FHIT: variants seen among roughly 807,000 people sequenced by gnomAD.
FHIT encodes fragile histidine triad diadenosine triphosphatase.
A neutral mutation model predicts 17.9 loss-of-function variants in FHIT; 19 were observed. That is an observed-to-expected ratio of 1.06 (90% CI 0.74 to 1.56). The LOEUF (loss-of-function observed/expected upper bound fraction) is 1.56. Ranked by LOEUF, FHIT falls within the 40% of genes most tolerant of loss-of-function variation. The pLI is 0.00. For synonymous variants in FHIT, 81 were observed against 69.7 expected, an observed-to-expected ratio of 1.16 and a Z score of -0.81; for missense variants, 248 against 189.2, an observed-to-expected ratio of 1.31 and a Z score of -1.82.
Position 60,473,827 on chromosome 3 carries a change from G to T in FHIT, c.103+63033C>A, listed in dbSNP as rs540892419. ...AGTCCCAGCTACTCAGGAGGCCGAGGCAGGAGAATTACTTGAACCCGGGAG... is the reference window on the plus strand; with the variant it reads ...AGTCCCAGCTACTCAGGAGGCCGAGTCAGGAGAATTACTTGAACCCGGGAG... On this transcript the variant is annotated intron_variant, in intron 5 of 9. Transcript: ENST00000492590. Among the ~76,000 whole-genome samples, 383 of 152,144 alleles carry T rather than the reference G, an allele frequency of 2.5e-3. 3 individuals are homozygous for T. Among genetic ancestry groups the T allele is most frequent in the African/African-American group, 8.3e-3 (343 of 41,498 alleles).
chr3:59,974,535 T>C (rs952747745), intron 7 of FHIT, among the ~76,000 whole-genome samples: 3 of 152,170 alleles, frequency 2.0e-5, no homozygotes, highest in Non-Finnish European at 4.4e-5. Context: ...CTACCTCATC[T>C]GTCTTGCATT....
intron 5 of FHIT, among the ~76,000 whole-genome samples, chr3:60,520,783 G>T (rs1182278720): frequency 6.6e-6 from 1 of 152,092 alleles, no homozygotes; most frequent in Non-Finnish European, 1.5e-5. Context: ...TGAGCATCTA[G>T]ACTCATCTAA....
chr3:60,983,770 G>A (rs1054052244), intron 3 of FHIT, among the ~76,000 whole-genome samples: 10 of 152,254 alleles, frequency 6.6e-5, no homozygotes, highest in African/African-American at 2.2e-4. Context: ...GGGACATATA[G>A]GCTCACCACT....
intron 5 of FHIT, among the ~76,000 whole-genome samples, chr3:60,528,762 A>G (rs1021385610): frequency 1.1e-4 from 16 of 152,170 alleles, no homozygotes; most frequent in African/African-American, 3.9e-4. Flanking sequence ...ATTGAAATAC[A>G]CAAGTATTAC....
intron 5 of FHIT, among the ~76,000 whole-genome samples, chr3:60,293,132 T>C (rs1405641163): frequency 2.6e-5 from 4 of 152,154 alleles, no homozygotes; most frequent in African/African-American, 9.7e-5. Flanking sequence ...TAGTATAATA[T>C]ACACCTTGGT....
intron 5 of FHIT, among the ~76,000 whole-genome samples, chr3:60,330,266 A>G (rs1467548886): frequency 1.3e-5 from 2 of 152,188 alleles, no homozygotes; most frequent in Non-Finnish European, 2.9e-5. Flanking sequence ...CAGGATTCAA[A>G]CGGGTCATAA....
chr3:59,932,593 C>T (rs755732266), intron 7 of FHIT, among the ~76,000 whole-genome samples: 2 of 152,110 alleles, frequency 1.3e-5, no homozygotes, highest in Non-Finnish European at 2.9e-5. Context: ...GTACCCACTT[C>T]GTTTAAAAGC....
chr3:59,841,591 C>T (rs924574819), intron 8 of FHIT, among the ~76,000 whole-genome samples: 2 of 152,160 alleles, frequency 1.3e-5, no homozygotes, highest in Non-Finnish European at 2.9e-5. Flanking sequence ...ACCTTGCCCA[C>T]TCCTGTTTCT....
At chr3:61,210,843 G>A (rs572911763) in intron 1 of FHIT, among the ~76,000 whole-genome samples, 1 of 151,878 alleles carries the variant, frequency 6.6e-6, no homozygotes, top group Non-Finnish European at 1.5e-5. Flanking sequence ...TCCCCAGTGA[G>A]ATGAACCTGG....
intron 7 of FHIT, among the ~76,000 whole-genome samples, chr3:59,974,407 A>G (rs1048991539): frequency 1.2e-4 from 19 of 152,144 alleles, no homozygotes; most frequent in African/African-American, 4.6e-4. Context: ...ACAATTAAAC[A>G]CCTACCTACT....
intron 5 of FHIT, among the ~76,000 whole-genome samples, chr3:60,031,439 G>A (rs559727727): frequency 6.6e-6 from 1 of 152,374 alleles, no homozygotes; most frequent in South Asian, 2.1e-4. Context: ...GTAAATGGTA[G>A]AACAGAATCT....
chr3:60,171,564 G>A (rs1226638182), intron 5 of FHIT, among the ~76,000 whole-genome samples: 1 of 152,204 alleles, frequency 6.6e-6, no homozygotes, highest in Non-Finnish European at 1.5e-5. Flanking sequence ...AAATTTCAGA[G>A]TAAAATTGCC....
At chr3:61,028,473 A>G (rs938298478) in intron 3 of FHIT, among the ~76,000 whole-genome samples, 3 of 152,186 alleles carry the variant, frequency 2.0e-5, no homozygotes, top group African/African-American at 7.2e-5. Context: ...GCCTCAAAAG[A>G]AGCAAGGGCA....
chr3:60,167,383 T>A (rs1576238108), intron 5 of FHIT, among the ~76,000 whole-genome samples: 1 of 152,240 alleles, frequency 6.6e-6, no homozygotes, highest in African/African-American at 2.4e-5. Flanking sequence ...TGTGCATGTA[T>A]GTAAATATAT....
intron 7 of FHIT, among the ~76,000 whole-genome samples, chr3:59,961,543 A>C (rs1707682286): frequency 6.6e-6 from 1 of 152,134 alleles, no homozygotes; most frequent in Admixed American, 6.5e-5. Flanking sequence ...CCACTGGTGT[A>C]GGCATCTGTG....
intron 5 of FHIT, among the ~76,000 whole-genome samples, chr3:60,434,385 T>G (rs9815504): frequency 0.14 from 21,414 of 152,118 alleles, 1,734 homozygotes; most frequent in Admixed American, 0.26. Flanking sequence ...CAACTCTGTC[T>G]TTCTCTTTCT....
intron 4 of FHIT, among the ~76,000 whole-genome samples, chr3:60,562,581 G>A (rs1254420831): frequency 6.6e-6 from 1 of 152,142 alleles, no homozygotes; most frequent in Non-Finnish European, 1.5e-5. Context: ...TGGCCTACTT[G>A]GAGGGTATAA....
intron 4 of FHIT, chr3:60,690,673 G>T (rs1422249979): frequency 2.1e-6 from 1 of 486,404 alleles, no homozygotes; most frequent in Middle Eastern, 3.5e-4. Flanking sequence ...GCAGCCCAAG[G>T]GCTCGCTATT....
intron 1 of FHIT, among the ~76,000 whole-genome samples, chr3:61,206,508 T>C (rs376592114): frequency 1.3e-5 from 2 of 152,202 alleles, no homozygotes; most frequent in East Asian, 1.9e-4. Flanking sequence ...CAGTGGTTTG[T>C]AGTTCTCCTT....
Sources: gnomAD v4.1 joint callset for allele counts (sites outside exome capture counted in the v4.1 genomes callset) on GRCh38, gnomAD v4.1.1 for gene constraint, MANE v1.5 for transcripts, NCBI Gene and HGNC (gene_info 2026-07-23, HGNC 2026-07-21) for gene names.